The following EDNRA variants were observed in gnomAD, a reference collection of about 807,000 sequenced individuals.
EDNRA encodes endothelin receptor type A.
Under a neutral mutation model 41.4 loss-of-function variants are expected in EDNRA, and 11 were observed. The ratio of observed to expected loss-of-function variants is 0.27; its 90% CI spans 0.17 to 0.44. The LOEUF (loss-of-function observed/expected upper bound fraction) is 0.44. EDNRA is among the 20% of genes least tolerant of loss of function. EDNRA has a pLI of 1.00. For missense variants in EDNRA, 294 were observed against 531.0 expected (o/e 0.55, Z 4.39); for synonymous variants, 172 against 183.0 (o/e 0.94, Z 0.49).
chr4:147,481,984 G>C (rs1251436226), intron 1 of EDNRA, among the ~76,000 whole-genome samples: 1 of 152,210 alleles, frequency 6.6e-6, no homozygotes, highest in Non-Finnish European at 1.5e-5. Flanking sequence ...AACAAGGGCT[G>C]CTTCTAGATA....
chr4:147,542,802 C>G lies in EDNRA; in HGVS notation c.*184C>G. ...TTATCCACCCACAACATCTACGAAT[C>G]GTACTTCTTTAATTGATCTAATTTA... is the stretch of plus-strand genomic sequence containing the variant. On this transcript the variant is annotated 3_prime_UTR_variant, in exon 8 of 8. Coordinates refer to ENST00000651419, the MANE Select transcript of EDNRA (RefSeq NM_001957.4). 1.5e-6 allele frequency: 1 copy of G among 655,144 alleles called. No individual in the cohort carries two copies. The highest frequency in any genetic ancestry group is 2.5e-6 in the Non-Finnish European group (1 of 405,602). The allele number at this position is 655,144 out of a possible 1,614,324, so 40.6% of individuals were successfully genotyped here.
At position 147,519,159 on chromosome 4, in the gene EDNRA, A is replaced by G. The variant is rs1730225302; in HGVS notation, c.421-692A>G. Among the ~76,000 whole-genome samples the G allele has an allele frequency of 6.6e-6, 1 of 152,220 alleles. No homozygotes were observed. The highest frequency in any genetic ancestry group is 1.5e-5 in the Non-Finnish European group (1 of 68,044). ...AGGGGAAGTTTGAGCCTAAATAGAG[A>G]AAAGCCACTTACATCACATCTACTG... is the stretch of plus-strand genomic sequence containing the variant. On this transcript the variant is annotated intron_variant, in intron 2 of 7. Transcript: ENST00000651419. The surrounding 1 kb of genome is among the most constrained non-coding windows in gnomAD (Gnocchi z 4.1).
At chr4:147,516,711 G>A (rs1301544276) in intron 2 of EDNRA, among the ~76,000 whole-genome samples, 1 of 152,000 alleles carries the variant, frequency 6.6e-6, no homozygotes, top group Admixed American at 6.6e-5. Context: ...ACTCTTTTGG[G>A]TTTTGTTTTG....
chr4:147,520,967 T>C (rs1378427492), intron 3 of EDNRA, among the ~76,000 whole-genome samples: 1 of 152,168 alleles, frequency 6.6e-6, no homozygotes, highest in Non-Finnish European at 1.5e-5. Flanking sequence ...TTGTTATAAA[T>C]TTATGTCAGC....
chr4:147,527,833 C>T (rs1424191062), intron 3 of EDNRA, among the ~76,000 whole-genome samples: 1 of 152,092 alleles, frequency 6.6e-6, no homozygotes, highest in Non-Finnish European at 1.5e-5. Flanking sequence ...AGTTGGCAGC[C>T]CTGAGCCATG....
intron 3 of EDNRA, among the ~76,000 whole-genome samples, chr4:147,521,920 A>G (rs939766703): frequency 2.0e-5 from 3 of 152,214 alleles, no homozygotes; most frequent in Admixed American, 6.5e-5. Flanking sequence ...CACCCGGACT[A>G]GAATGCAGTG....
At chr4:147,531,145 G>A (rs558089236) in intron 3 of EDNRA, among the ~76,000 whole-genome samples, 2 of 151,838 alleles carry the variant, frequency 1.3e-5, no homozygotes, top group East Asian at 1.9e-4. Flanking sequence ...TAAAAAATAG[G>A]GTGAGCATAA....
chr4:147,506,889 A>G (rs1279818348), intron 2 of EDNRA: 1 of 154,578 alleles, frequency 6.5e-6, no homozygotes, highest in African/African-American at 2.4e-5. Flanking sequence ...TTCTCTCGGT[A>G]AATTTTCTAA....
chr4:147,539,610 T>G (rs1270842065), intron 5 of EDNRA, among the ~76,000 whole-genome samples: 1 of 152,094 alleles, frequency 6.6e-6, no homozygotes, highest in African/African-American at 2.4e-5. Context: ...TCCTGGAAGC[T>G]GCCCAGAAGC....
intron 7 of EDNRA, 70 bp downstream of exon 7, chr4:147,540,555 C>A: frequency 9.6e-7 from 1 of 1,038,608 alleles, no homozygotes; most frequent in Non-Finnish European, 1.4e-6. Flanking sequence ...CAGACACAGC[C>A]AATTCCAGTT....
At chr4:147,520,291 C>A in intron 3 of EDNRA, 1 of 460,954 alleles carries the variant, frequency 2.2e-6, no homozygotes, top group South Asian at 1.8e-5. Context: ...CCAGGATATG[C>A]AAATCCTATA....
rs1160624580 is a variant in EDNRA, at chr4:147,481,104, C to T, written c.-343C>T. 10 of 152,342 alleles carry T rather than the reference C, an allele frequency of 6.6e-5. No individual in the cohort carries two copies. The highest frequency in any genetic ancestry group is 6.5e-4 in the Admixed American group (10 of 15,290). The allele number at this position is 152,342 out of a possible 1,614,324, so 9.4% of individuals were successfully genotyped here. On this transcript the variant is annotated 5_prime_UTR_variant, in exon 1 of 8. Coordinates refer to ENST00000651419, the MANE Select transcript of EDNRA (RefSeq NM_001957.4). ...GCCCTCGCGCGCGCGTACAGTCATCCCGCTGGTCTGACGATTGTGGAGAGG... is the reference window on the plus strand; with the variant it reads ...GCCCTCGCGCGCGCGTACAGTCATCTCGCTGGTCTGACGATTGTGGAGAGG...
At chr4:147,531,741 T>TC (rs1319348966) in intron 3 of EDNRA, 2 of 152,256 alleles carry the variant, frequency 1.3e-5, no homozygotes, top group African/African-American at 2.4e-5. Context: ...GTGTGGTGGC[T>TC]CACGCCTGTA....
intron 3 of EDNRA, among the ~76,000 whole-genome samples, chr4:147,526,613 T>G (rs1431017679): frequency 1.3e-5 from 2 of 152,106 alleles, no homozygotes; most frequent in Non-Finnish European, 2.9e-5. Flanking sequence ...ACTGAAGAAG[T>G]GGTAAAGCAT....
At chr4:147,520,392 T>G (rs1467154121) in intron 3 of EDNRA, 1 of 519,310 alleles carries the variant, frequency 1.9e-6, no homozygotes, top group Non-Finnish European at 3.8e-6. Flanking sequence ...TGCACCATAT[T>G]GCTATGTTCT....
rs559817042 is a variant in EDNRA at position 147,524,119 on chromosome 4, T to C, written c.548+4141T>C. 1.9e-3 allele frequency among the ~76,000 whole-genome samples: 285 copies of C among 152,006 alleles called. 1 individual carries two copies. The highest frequency in any genetic ancestry group is 2.9e-3 in the Non-Finnish European group (195 of 67,976). On this transcript the variant is annotated intron_variant, in intron 3 of 7. Coordinates refer to ENST00000651419, the MANE Select transcript of EDNRA (RefSeq NM_001957.4). ...AAAATTATAAATGTATTTTAAGATATAGTATTTTAAAACCTTTGGATTAAA... is the reference window on the plus strand; with the variant it reads ...AAAATTATAAATGTATTTTAAGATACAGTATTTTAAAACCTTTGGATTAAA...
intron 2 of EDNRA, chr4:147,495,428 T>G (rs940581823): frequency 3.3e-5 from 5 of 152,224 alleles, no homozygotes. Context: ...TAACACATTG[T>G]AAAGAAAATG....
At chr4:147,490,046 T>G (rs537336206) in intron 2 of EDNRA, 4 of 152,108 alleles carry the variant, frequency 2.6e-5, no homozygotes, top group Admixed American at 2.6e-4. Flanking sequence ...TTACAGATCC[T>G]AGTTTGAAAA....
chr4:147,532,294 C>T (rs1413685744), intron 3 of EDNRA, among the ~76,000 whole-genome samples: 1 of 143,310 alleles, frequency 7.0e-6, no homozygotes, highest in Non-Finnish European at 1.5e-5. Flanking sequence ...CCACTGCACT[C>T]CAGTCTGAGC....
Sources: gnomAD v4.1 joint callset for allele counts (sites outside exome capture counted in the v4.1 genomes callset) on GRCh38, gnomAD v4.1.1 for gene constraint, Gnocchi (gnomAD v3.1) non-coding constraint, MANE v1.5 for transcripts, NCBI Gene and HGNC (gene_info 2026-07-23, HGNC 2026-07-21) for gene names.